The following MALRD1 variants were observed in gnomAD, a reference collection of about 807,000 sequenced individuals.
MALRD1 encodes the protein MAM and LDL-receptor class A domain-containing protein 1.
In MALRD1, 247 loss-of-function variants were observed where a neutral mutation model predicts 242.1. That is an observed-to-expected ratio of 1.02 (90% CI 0.92 to 1.13). MALRD1 has a LOEUF of 1.13. Ranked by LOEUF, MALRD1 falls within the 50% of genes most tolerant of loss-of-function variation. MALRD1 has a pLI of 0.00. For synonymous variants in MALRD1, 995 were observed against 866.6 expected (o/e 1.15, Z -2.60); for missense variants, 2,989 against 2,533.1 (o/e 1.18, Z -3.86).
At chr10:19,600,531 G>A (rs1006581408) in intron 34 of MALRD1, among the ~76,000 whole-genome samples, 28 of 152,170 alleles carry the variant, frequency 1.8e-4, no homozygotes, top group African/African-American at 5.3e-4. Flanking sequence ...TGTATGTTAG[G>A]TGTGTGCGCC....
intron 29 of MALRD1, among the ~76,000 whole-genome samples, chr10:19,490,274 G>A (rs1438432550): frequency 6.6e-6 from 1 of 151,584 alleles, no homozygotes; most frequent in Non-Finnish European, 1.5e-5. Context: ...TCTAAATTAG[G>A]TTGTGATGTG....
intron 28 of MALRD1, among the ~76,000 whole-genome samples, chr10:19,397,996 T>G (rs1846664535): frequency 6.6e-6 from 1 of 152,100 alleles, no homozygotes; most frequent in Admixed American, 6.6e-5. Flanking sequence ...TTTCCCATTG[T>G]CTAATCAGAT....
rs1360990095 is a variant in MALRD1 at position 19,088,737 on chromosome 10, TC to T, written c.597+557del. On this transcript the variant is annotated intron_variant, in intron 4 of 39. Coordinates refer to ENST00000454679, the MANE Select transcript of MALRD1 (RefSeq NM_001142308.3). ...ATCTCCCAATGCTATCCCTCCCCCC[TC>T]CCCCAACCCCACCACAGTCCCCAGA... Among the ~76,000 whole-genome samples the T allele has an allele frequency of 1.6e-4, 13 of 80,408 alleles. No individual in the cohort carries two copies. In the South Asian group the frequency reaches 5.6e-3, roughly 34 times the overall value. The allele number at this position is 80,408 out of a possible 152,430, so 52.8% of individuals were successfully genotyped here.
At chr10:19,162,470 T>A (rs1400549065) in intron 12 of MALRD1, among the ~76,000 whole-genome samples, 1 of 152,180 alleles carries the variant, frequency 6.6e-6, no homozygotes, top group Non-Finnish European at 1.5e-5. Flanking sequence ...ATTTGGAGTT[T>A]AAGGTTTAGT....
At chr10:19,268,973 A>C (rs1374256103) in intron 19 of MALRD1, among the ~76,000 whole-genome samples, 1 of 152,204 alleles carries the variant, frequency 6.6e-6, no homozygotes, top group Non-Finnish European at 1.5e-5. Flanking sequence ...GAAGAAGATC[A>C]GATCAAACCA....
intron 28 of MALRD1, among the ~76,000 whole-genome samples, chr10:19,416,974 G>A (rs947029445): frequency 1.3e-5 from 2 of 152,182 alleles, no homozygotes; most frequent in Admixed American, 1.3e-4. Context: ...TTCGCTACCT[G>A]TCACCAAATT....
At chr10:19,487,568 C>A (rs893572871) in intron 29 of MALRD1, among the ~76,000 whole-genome samples, 2 of 149,106 alleles carry the variant, frequency 1.3e-5, no homozygotes, top group Non-Finnish European at 3.0e-5. Flanking sequence ...TTTAGAGTGA[C>A]ATCAAAGCAC....
chr10:19,476,583 G>A (rs1422516657), intron 29 of MALRD1, among the ~76,000 whole-genome samples: 1 of 152,122 alleles, frequency 6.6e-6, no homozygotes, highest in East Asian at 1.9e-4. Context: ...CCTTGCTGGT[G>A]TGCTTACCCC....
intron 29 of MALRD1, among the ~76,000 whole-genome samples, chr10:19,478,433 T>C (rs748284719): frequency 6.6e-6 from 1 of 152,164 alleles, no homozygotes; most frequent in Non-Finnish European, 1.5e-5. Flanking sequence ...CCTCTCAATA[T>C]AGCAATTAGA....
intron 7 of MALRD1, among the ~76,000 whole-genome samples, chr10:19,127,019 G>A (rs938750586): frequency 1.3e-5 from 2 of 152,110 alleles, no homozygotes; most frequent in Non-Finnish European, 2.9e-5. Context: ...TTGGCTTTCT[G>A]TTCCAGCATT....
intron 33 of MALRD1, among the ~76,000 whole-genome samples, chr10:19,575,873 A>T (rs1005487160): frequency 2.0e-5 from 3 of 152,178 alleles, no homozygotes; most frequent in Non-Finnish European, 2.9e-5. Context: ...CATAACTGAT[A>T]TATCTAATTT....
At chr10:19,286,128 G>T (rs1372264126) in intron 21 of MALRD1, among the ~76,000 whole-genome samples, 2 of 137,146 alleles carry the variant, frequency 1.5e-5, no homozygotes, top group Non-Finnish European at 3.1e-5. Context: ...TGCTGAAGTT[G>T]CTTATCAGCT....
At chr10:19,585,598 G>T (rs962720061) in intron 33 of MALRD1, among the ~76,000 whole-genome samples, 1 of 152,138 alleles carries the variant, frequency 6.6e-6, no homozygotes, top group Admixed American at 6.5e-5. Flanking sequence ...GAGATCTGCT[G>T]TTATTCTGAT....
rs76219115 is a variant in MALRD1, at chr10:19,193,539, G to A, written c.1952-10189G>A. Among the ~76,000 whole-genome samples, 2,336 of 152,184 alleles carry A rather than the reference G, an allele frequency of 0.015. 100 individuals are homozygous for A. The East Asian group carries it at 0.18, about 12-fold the overall frequency. ...CACTGCATCCAGCCTGGGCAACACAGCGAGACCCCATCTCAAAAAAACAAA... is the reference window on the plus strand; with the variant it reads ...CACTGCATCCAGCCTGGGCAACACAACGAGACCCCATCTCAAAAAAACAAA... On this transcript the variant is annotated intron_variant, in intron 14 of 39. Coordinates refer to ENST00000454679, the MANE Select transcript of MALRD1 (RefSeq NM_001142308.3).
At chr10:19,529,550 G>GC (rs1416142119) in intron 31 of MALRD1, among the ~76,000 whole-genome samples, 1 of 145,638 alleles carries the variant, frequency 6.9e-6, no homozygotes, top group Non-Finnish European at 1.5e-5. Flanking sequence ...AACAGGAGGG[G>GC]GGGGGAGAAA....
At chr10:19,165,102 T>G (rs1030980473) in intron 12 of MALRD1, among the ~76,000 whole-genome samples, 2 of 151,560 alleles carry the variant, frequency 1.3e-5, no homozygotes, top group African/African-American at 4.9e-5. Context: ...AGTCTCAATG[T>G]GTACCTCTCA....
chr10:19,515,093 T>A (rs916148478), intron 31 of MALRD1, among the ~76,000 whole-genome samples: 5 of 149,048 alleles, frequency 3.4e-5, no homozygotes, highest in African/African-American at 5.0e-5. Context: ...AAAAAAAAAA[T>A]CTTTTTTACT....
intron 18 of MALRD1, among the ~76,000 whole-genome samples, chr10:19,223,155 A>G (rs1837638178): frequency 6.6e-6 from 1 of 152,172 alleles, no homozygotes; most frequent in African/African-American, 2.4e-5. Context: ...CATTAAAACG[A>G]TATTTCTATG....
chr10:19,054,277 G>A (rs1269572254), intron 1 of MALRD1, among the ~76,000 whole-genome samples: 1 of 151,378 alleles, frequency 6.6e-6, no homozygotes, highest in Non-Finnish European at 1.5e-5. Context: ...AGTTATAATT[G>A]TATACAATTA....
Sources: allele counts gnomAD v4.1 joint callset (sites outside exome capture counted in the v4.1 genomes callset), GRCh38; gene constraint gnomAD v4.1.1; transcripts MANE v1.5; gene names NCBI Gene and HGNC (gene_info 2026-07-23, HGNC 2026-07-21).